Variants in CDC14A observed in about 807,000 individuals in gnomAD.
CDC14A encodes the protein cell division cycle 14A.
CDC14A carries 53 observed loss-of-function variants against 74.4 expected under a neutral mutation model. The observed-to-expected ratio is 0.71, with a 90% CI of 0.57 to 0.89. The LOEUF is 0.89. Ranked by LOEUF, CDC14A falls within the 40% of genes least tolerant of loss-of-function variation. CDC14A has a pLI of 0.00. For synonymous variants in CDC14A, 247 were observed against 258.4 expected (o/e 0.96, Z 0.43); for missense variants, 646 against 713.7 (o/e 0.91, Z 1.08).
chr1:100,362,520 A>T (rs1652895298), intron 2 of CDC14A, among the ~76,000 whole-genome samples: 1 of 152,168 alleles, frequency 6.6e-6, no homozygotes, highest in South Asian at 2.1e-4. Context: ...AGGATATACC[A>T]TACTGTATTG....
chr1:100,453,774 G>C (rs1047312871), intron 7 of CDC14A, among the ~76,000 whole-genome samples: 1 of 152,088 alleles, frequency 6.6e-6, no homozygotes, highest in African/African-American at 2.4e-5. Context: ...CAAGTAGCTG[G>C]GACTACAGGC....
At chr1:100,381,335 TC>T (rs1487711128) in intron 3 of CDC14A, among the ~76,000 whole-genome samples, 1 of 152,232 alleles carries the variant, frequency 6.6e-6, no homozygotes, top group Admixed American at 6.5e-5. Context: ...AAATGCTGAA[TC>T]TGATGGCACT....
chr1:100,449,273 C>T (rs186071479), intron 7 of CDC14A, among the ~76,000 whole-genome samples: 40 of 152,258 alleles, frequency 2.6e-4, no homozygotes, highest in Admixed American at 6.5e-4. Context: ...TGGGCCTCTT[C>T]GATCAAGACT....
chr1:100,420,063 C>CATAT (rs1553180578), intron 4 of CDC14A, among the ~76,000 whole-genome samples: 2,500 of 61,472 alleles, frequency 0.041, 172 homozygotes, highest in East Asian at 0.13. Context: ...CACACACACA[C>CATAT]ATATATATAT....
chr1:100,365,633 G>A (rs1653469849), intron 2 of CDC14A, among the ~76,000 whole-genome samples: 1 of 152,140 alleles, frequency 6.6e-6, no homozygotes, highest in Non-Finnish European at 1.5e-5. Context: ...TCAGACTGCT[G>A]TGTGTGTGGG....
At chr1:100,499,287 G>T (rs1363486990) in intron 15 of CDC14A, 25 bp downstream of exon 15, 5 of 1,614,130 alleles carry the variant, frequency 3.1e-6, no homozygotes, top group Admixed American at 1.7e-5. Flanking sequence ...ACCACCTCCT[G>T]GTCCTCAGAA....
intron 2 of CDC14A, among the ~76,000 whole-genome samples, chr1:100,361,333 A>G (rs1288093534): frequency 6.6e-6 from 1 of 152,244 alleles, no homozygotes; most frequent in Non-Finnish European, 1.5e-5. Flanking sequence ...GTAGAAACAC[A>G]TGCAGTACAG....
At chr1:100,453,955 T>G (rs913565050) in intron 7 of CDC14A, among the ~76,000 whole-genome samples, 2 of 152,240 alleles carry the variant, frequency 1.3e-5, no homozygotes, top group African/African-American at 4.8e-5. Flanking sequence ...GATATTATGT[T>G]TATTACAACT....
intron 10 of CDC14A, among the ~76,000 whole-genome samples, chr1:100,477,274 G>A (rs1668995268): frequency 6.6e-6 from 1 of 152,002 alleles, no homozygotes; most frequent in Non-Finnish European, 1.5e-5. Flanking sequence ...TGTATAGATA[G>A]CAAATATGTA....
At chr1:100,451,961 C>T (rs983139048) in intron 7 of CDC14A, among the ~76,000 whole-genome samples, 1 of 152,252 alleles carries the variant, frequency 6.6e-6, no homozygotes, top group Non-Finnish European at 1.5e-5. Flanking sequence ...AAGTTACAGT[C>T]CTTGATATAT....
At chr1:100,388,924 C>T (rs914671260) in intron 3 of CDC14A, among the ~76,000 whole-genome samples, 2 of 152,112 alleles carry the variant, frequency 1.3e-5, no homozygotes, top group Non-Finnish European at 2.9e-5. Flanking sequence ...CCTGTAATCT[C>T]AGCACTTTGG....
intron 4 of CDC14A, among the ~76,000 whole-genome samples, chr1:100,405,788 A>G (rs1260344910): frequency 2.0e-5 from 3 of 152,160 alleles, no homozygotes; most frequent in Non-Finnish European, 4.4e-5. Context: ...ATTGATGGGC[A>G]TTTAGGTTGA....
chr1:100,398,481 C>G (rs1487300478), intron 4 of CDC14A, among the ~76,000 whole-genome samples: 1 of 152,164 alleles, frequency 6.6e-6, no homozygotes, highest in African/African-American at 2.4e-5. Context: ...GTATATTTCT[C>G]TCCAAGGATG....
At chr1:100,381,135 A>G (rs916437935) in intron 3 of CDC14A, among the ~76,000 whole-genome samples, 4 of 152,240 alleles carry the variant, frequency 2.6e-5, no homozygotes, top group Non-Finnish European at 5.9e-5. Context: ...GTGCAGGGAC[A>G]ACAGACACAC....
At chr1:100,352,422 G>T, upstream of CDC14A, 1 of 988,844 alleles carries the variant, frequency 1.0e-6, no homozygotes, top group Non-Finnish European at 1.2e-6. Context: ...GAGGGAGGGC[G>T]GGGAGGAAGG....
chr1:100,415,085 A>T (rs1661358705), intron 4 of CDC14A, among the ~76,000 whole-genome samples: 1 of 152,092 alleles, frequency 6.6e-6, no homozygotes, highest in African/African-American at 2.4e-5. Flanking sequence ...TCAGTTCTGG[A>T]AGGATATCTT....
intron 10 of CDC14A, among the ~76,000 whole-genome samples, chr1:100,472,578 A>G (rs895542113): frequency 2.0e-5 from 3 of 151,942 alleles, no homozygotes; most frequent in African/African-American, 4.8e-5. Flanking sequence ...AAAGTTTTAA[A>G]TTTTGATGAA....
At chr1:100,351,378 C>T (rs1650970154), upstream of CDC14A, among the ~76,000 whole-genome samples, 2 of 152,196 alleles carry the variant, frequency 1.3e-5, no homozygotes, top group Admixed American at 1.3e-4. Flanking sequence ...TCTCAGAGCG[C>T]ATGCTCTTCG....
chr1:100,396,357 A>G (rs957247688), intron 4 of CDC14A, among the ~76,000 whole-genome samples: 12 of 152,314 alleles, frequency 7.9e-5, no homozygotes, highest in African/African-American at 2.9e-4. Flanking sequence ...CAGTATTTGA[A>G]CACTATCAAT....
Sources: allele counts gnomAD v4.1 joint callset (sites outside exome capture counted in the v4.1 genomes callset), GRCh38; gene constraint gnomAD v4.1.1; transcripts MANE v1.5; gene names NCBI Gene and HGNC (gene_info 2026-07-23, HGNC 2026-07-21).